TMEM117: variants seen among roughly 807,000 people sequenced by gnomAD.
The protein encoded by TMEM117 is transmembrane protein 117.
A neutral mutation model predicts 52.4 loss-of-function variants in TMEM117; 27 were observed. The ratio of observed to expected loss-of-function variants is 0.51; its 90% CI spans 0.38 to 0.71. TMEM117 has a LOEUF of 0.71. Ranked by LOEUF, TMEM117 falls within the 30% of genes least tolerant of loss-of-function variation. The pLI, the probability that TMEM117 is intolerant of heterozygous loss-of-function variation, is 0.00. For synonymous variants in TMEM117, 215 were observed against 206.3 expected (o/e 1.04, Z -0.36); for missense variants, 556 against 630.5 (o/e 0.88, Z 1.26).
intron 2 of TMEM117, among the ~76,000 whole-genome samples, chr12:43,863,441 T>TTG (rs930588067): frequency 2.0e-5 from 3 of 152,214 alleles, no homozygotes; most frequent in African/African-American, 2.4e-5. Context: ...ATTAGATTTT[T>TTG]AGAGTGACTC....
At chr12:43,825,590 A>G in the TMEM117 span, among the ~76,000 whole-genome samples, 1 of 152,168 alleles carries the variant, frequency 6.6e-6, no homozygotes, top group Non-Finnish European at 1.5e-5. Context: ...GACATAAAGA[A>G]CGTGATTGTA....
At chr12:43,975,143 T>C (rs1455657961) in intron 3 of TMEM117, among the ~76,000 whole-genome samples, 1 of 152,220 alleles carries the variant, frequency 6.6e-6, no homozygotes, top group Non-Finnish European at 1.5e-5. Flanking sequence ...AAGTTGTCAC[T>C]ATAAAATCTC....
At chr12:44,283,265 C>T (rs1165815969) in intron 5 of TMEM117, among the ~76,000 whole-genome samples, 1 of 152,102 alleles carries the variant, frequency 6.6e-6, no homozygotes, top group Non-Finnish European at 1.5e-5. Context: ...AGAGGGCCAC[C>T]GTCCTTCAGA....
At chr12:44,244,735 C>A (rs1485402171) in intron 5 of TMEM117, among the ~76,000 whole-genome samples, 3 of 151,678 alleles carry the variant, frequency 2.0e-5, no homozygotes, top group African/African-American at 7.3e-5. Flanking sequence ...TGTCTTTAGG[C>A]AACTGGTGAT....
chr12:43,986,474 T>C (rs777516500), intron 3 of TMEM117, among the ~76,000 whole-genome samples: 4 of 152,148 alleles, frequency 2.6e-5, no homozygotes, highest in Non-Finnish European at 4.4e-5. Flanking sequence ...TTATTGCTGA[T>C]GTCTTTATGA....
intron 2 of TMEM117, among the ~76,000 whole-genome samples, chr12:43,935,149 C>T (rs1019618977): frequency 2.0e-5 from 3 of 152,154 alleles, no homozygotes; most frequent in Non-Finnish European, 4.4e-5. Context: ...GCTGGGACTA[C>T]AGGTGCTCCA....
At chr12:43,986,634 A>G (rs906938618) in intron 3 of TMEM117, among the ~76,000 whole-genome samples, 3 of 152,142 alleles carry the variant, frequency 2.0e-5, no homozygotes, top group Non-Finnish European at 4.4e-5. Context: ...CTTTCAGACT[A>G]TTGGAAAATT....
At chr12:43,973,239 T>C (rs1945620435) in intron 3 of TMEM117, among the ~76,000 whole-genome samples, 1 of 152,148 alleles carries the variant, frequency 6.6e-6, no homozygotes, top group African/African-American at 2.4e-5. Flanking sequence ...GCTACCAGAA[T>C]TTATCTTAAG....
At chr12:43,878,599 C>CT (rs1411305879) in intron 2 of TMEM117, among the ~76,000 whole-genome samples, 1 of 152,134 alleles carries the variant, frequency 6.6e-6, no homozygotes, top group Non-Finnish European at 1.5e-5. Flanking sequence ...TAAATGCATG[C>CT]TTTTATTAAC....
intron 1 of TMEM117, 61 bp from the exon 2 acceptor site, chr12:43,844,563 A>G: frequency 7.0e-7 from 1 of 1,419,994 alleles, no homozygotes; most frequent in South Asian, 1.4e-5. Flanking sequence ...CTGAACTGAT[A>G]AAAAGAAGAA....
At chr12:43,835,430 G>A (rs912638797), upstream of TMEM117, among the ~76,000 whole-genome samples, 2 of 152,124 alleles carry the variant, frequency 1.3e-5, no homozygotes, top group African/African-American at 4.8e-5. Context: ...ATGTATGCAT[G>A]AGTGTATTTG....
intron 4 of TMEM117, among the ~76,000 whole-genome samples, chr12:44,177,408 C>T (rs1230072339): frequency 2.6e-5 from 4 of 152,146 alleles, no homozygotes; most frequent in Admixed American, 6.6e-5. Flanking sequence ...ACAATCAGCT[C>T]TTTCCACACA....
intron 5 of TMEM117, among the ~76,000 whole-genome samples, chr12:44,268,078 G>T (rs779116311): frequency 7.2e-5 from 11 of 151,816 alleles, no homozygotes; most frequent in African/African-American, 2.7e-4. Flanking sequence ...TTTTATAAAG[G>T]TTATGGGTCT....
intron 3 of TMEM117, among the ~76,000 whole-genome samples, chr12:43,951,471 T>G (rs528754872): frequency 6.6e-5 from 10 of 152,284 alleles, no homozygotes; most frequent in African/African-American, 2.4e-4. Flanking sequence ...GGAAGCGCCA[T>G]TACTGTGGCT....
At chr12:44,097,868 A>G (rs1405609538) in intron 3 of TMEM117, among the ~76,000 whole-genome samples, 5 of 151,828 alleles carry the variant, frequency 3.3e-5, no homozygotes, top group Admixed American at 1.3e-4. Flanking sequence ...ATAATAATAA[A>G]ATAAAATAAA....
chr12:44,008,836 G>T, intron 3 of TMEM117: 1 of 443,900 alleles, frequency 2.3e-6, no homozygotes. Context: ...GAATTATTTG[G>T]TATGTGTGTA....
At chr12:43,836,226 G>A (rs1006015564) in intron 1 of TMEM117, 30 bp downstream of exon 1, 1 of 152,232 alleles carries the variant, frequency 6.6e-6, no homozygotes, top group Non-Finnish European at 1.5e-5. Flanking sequence ...CGTTGGGCGA[G>A]CCTCCCCAGC....
intron 4 of TMEM117, among the ~76,000 whole-genome samples, chr12:44,185,869 TACACACACACACACACACAC>T (rs3065433): frequency 5.2e-5 from 7 of 135,024 alleles, no homozygotes; most frequent in African/African-American, 7.9e-5. Context: ...CTAAAAGACA[TACACACACACACACACACAC>T]ACACACACAC....
the TMEM117 span, among the ~76,000 whole-genome samples, chr12:43,818,190 T>G: frequency 1.3e-5 from 2 of 152,180 alleles, no homozygotes; most frequent in Non-Finnish European, 2.9e-5. Flanking sequence ...ACAAATACAT[T>G]CTCACTTCTA....
Sources: allele counts gnomAD v4.1 joint callset (sites outside exome capture counted in the v4.1 genomes callset), GRCh38; gene constraint gnomAD v4.1.1; transcripts MANE v1.5; gene names NCBI Gene and HGNC (gene_info 2026-07-23, HGNC 2026-07-21).